The following FGF14 variants were observed in gnomAD, a reference collection of about 807,000 sequenced individuals.
The protein encoded by FGF14 is fibroblast growth factor homologous factor 4.
FGF14 carries 5 observed loss-of-function variants against 25.5 expected under a neutral mutation model. The ratio of observed to expected loss-of-function variants is 0.20; its 90% CI spans 0.10 to 0.41. The LOEUF is 0.41. Ranked by LOEUF, FGF14 falls within the 10% of genes least tolerant of loss-of-function variation. The pLI, the probability that FGF14 is intolerant of heterozygous loss-of-function variation, is 1.00. For missense variants in FGF14, 222 were observed against 320.1 expected, an observed-to-expected ratio of 0.69 and a Z score of 2.34; for synonymous variants, 138 against 118.3, an observed-to-expected ratio of 1.17 and a Z score of -1.08.
intron 1 of FGF14, among the ~76,000 whole-genome samples, chr13:102,048,018 T>C (rs1040541620): frequency 7.0e-6 from 1 of 142,918 alleles, no homozygotes; most frequent in Non-Finnish European, 1.5e-5. Context: ...CTTAGTTGTT[T>C]AAAAAAAAAA....
chr13:101,933,617 G>A (rs536389063), intron 1 of FGF14, among the ~76,000 whole-genome samples: 3 of 152,082 alleles, frequency 2.0e-5, no homozygotes, highest in Admixed American at 6.5e-5. Flanking sequence ...CCAGCTACTC[G>A]GGAGGCTGAG....
intron 3 of FGF14, among the ~76,000 whole-genome samples, chr13:101,741,866 C>T (rs1442882643): frequency 6.6e-6 from 1 of 152,172 alleles, no homozygotes; most frequent in Non-Finnish European, 1.5e-5. Context: ...AGTAAATTAG[C>T]AAGTATTAGC....
At chr13:101,944,078 T>C (rs2035651404) in intron 1 of FGF14, among the ~76,000 whole-genome samples, 1 of 151,408 alleles carries the variant, frequency 6.6e-6, no homozygotes, top group Non-Finnish European at 1.5e-5. Flanking sequence ...GTGAGGTGGA[T>C]TAAATGCTTT....
chr13:102,201,522 T>C (rs1044078586), intron 1 of FGF14, among the ~76,000 whole-genome samples: 5 of 152,198 alleles, frequency 3.3e-5, no homozygotes, highest in African/African-American at 9.6e-5. Context: ...TTAATTCTTC[T>C]GTTGTTTCAC....
chr13:101,868,655 T>A (rs1401302195), intron 3 of FGF14, 70 bp downstream of exon 3: 1 of 1,002,010 alleles, frequency 1.0e-6, no homozygotes, highest in African/African-American at 1.6e-5. Context: ...GAACTTTCTT[T>A]TTGTTGTTGC....
intron 1 of FGF14, among the ~76,000 whole-genome samples, chr13:102,159,156 AAG>A (rs1491011849): frequency 0.054 from 7,402 of 136,214 alleles, 225 homozygotes; most frequent in Non-Finnish European, 0.075. Flanking sequence ...AAAAAAAAAA[AAG>A]AAAAGAAAAG....
chr13:102,090,655 C>A (rs1449177144), intron 1 of FGF14, among the ~76,000 whole-genome samples: 1 of 152,192 alleles, frequency 6.6e-6, no homozygotes, highest in Admixed American at 6.5e-5. Flanking sequence ...ACGTCCTCTG[C>A]GTGCCTTTTT....
intron 3 of FGF14, among the ~76,000 whole-genome samples, chr13:101,795,158 A>C (rs1477433122): frequency 6.6e-6 from 1 of 152,120 alleles, no homozygotes; most frequent in Non-Finnish European, 1.5e-5. Context: ...TATTTTGCCA[A>C]AGCAGTCACA....
At chr13:102,141,825 A>C (rs2046655050) in intron 1 of FGF14, among the ~76,000 whole-genome samples, 1 of 152,222 alleles carries the variant, frequency 6.6e-6, no homozygotes, top group South Asian at 2.1e-4. Context: ...GAGGGCACAA[A>C]TAAGGCTGTT....
At chr13:102,173,406 G>A (rs2048324928) in intron 1 of FGF14, among the ~76,000 whole-genome samples, 1 of 152,090 alleles carries the variant, frequency 6.6e-6, no homozygotes, top group African/African-American at 2.4e-5. Context: ...AGCCACTGTC[G>A]AAAACAGCAC....
rs541912090 is a variant in FGF14, at chr13:101,913,010, T to C, written c.193+3443A>G. 2.0e-5 allele frequency among the ~76,000 whole-genome samples: 3 copies of C among 152,286 alleles called. No homozygotes were observed. In the South Asian group the frequency reaches 6.2e-4, roughly 32 times the overall value. On this transcript the variant is annotated intron_variant, in intron 1 of 4. Coordinates refer to ENST00000376143, the MANE Select transcript of FGF14 (RefSeq NM_004115.4). ...ACTTAATTAATTATTATCAGGTATA[T>C]ATAAACAACAACAGTGACGTATGAA...
chr13:101,924,538 A>G (rs986547490), intron 1 of FGF14, among the ~76,000 whole-genome samples: 13 of 152,204 alleles, frequency 8.5e-5, no homozygotes, highest in Non-Finnish European at 1.3e-4. Flanking sequence ...TTACATTCAC[A>G]TTTGAAAGTT....
chr13:101,744,746 A>AT (rs1409708563), intron 3 of FGF14, among the ~76,000 whole-genome samples: 2 of 152,042 alleles, frequency 1.3e-5, no homozygotes, highest in African/African-American at 2.4e-5. Flanking sequence ...CAAACGTGTC[A>AT]TTTTTATTAA....
chr13:102,358,652 A>G (rs774100998), intron 1 of FGF14, among the ~76,000 whole-genome samples: 7 of 152,234 alleles, frequency 4.6e-5, no homozygotes, highest in Non-Finnish European at 8.8e-5. Flanking sequence ...CTTCCCTAAC[A>G]CAAAACCATT....
intron 1 of FGF14, among the ~76,000 whole-genome samples, chr13:102,248,424 T>C (rs975938622): frequency 6.6e-6 from 1 of 152,162 alleles, no homozygotes; most frequent in Non-Finnish European, 1.5e-5. Flanking sequence ...GCTGCAGACA[T>C]GCATTTTACA....
At chr13:101,783,985 G>A (rs918626965) in intron 3 of FGF14, among the ~76,000 whole-genome samples, 4 of 152,136 alleles carry the variant, frequency 2.6e-5, no homozygotes, top group Non-Finnish European at 5.9e-5. Flanking sequence ...GTTTGTCAAA[G>A]ATCAGATAGT....
chr13:102,105,792 T>C (rs893789639), intron 1 of FGF14, among the ~76,000 whole-genome samples: 4 of 152,192 alleles, frequency 2.6e-5, no homozygotes, highest in African/African-American at 7.2e-5. Context: ...TTCAGAGCAT[T>C]TCAGCACATT....
chr13:102,378,497 GGAAA>G (rs1240578099), intron 1 of FGF14, among the ~76,000 whole-genome samples: 4 of 151,804 alleles, frequency 2.6e-5, no homozygotes, highest in African/African-American at 9.7e-5. Context: ...AGAGAACGAA[GGAAA>G]GAAACTAACA....
chr13:101,985,470 G>A (rs1019083803), intron 1 of FGF14, among the ~76,000 whole-genome samples: 22 of 152,040 alleles, frequency 1.4e-4, no homozygotes, highest in African/African-American at 4.8e-4. Flanking sequence ...TTCCTAAAAT[G>A]CAGAAAAATC....
Sources: allele counts gnomAD v4.1 joint callset (sites outside exome capture counted in the v4.1 genomes callset), GRCh38; gene constraint gnomAD v4.1.1; transcripts MANE v1.5; gene names NCBI Gene and HGNC (gene_info 2026-07-23, HGNC 2026-07-21).